Variants in CCDC172 observed in about 807,000 individuals in gnomAD.
CCDC172 encodes coiled-coil domain containing 172.
CCDC172 carries 30 observed loss-of-function variants against 38.0 expected under a neutral mutation model. That is an observed-to-expected ratio of 0.79 (90% CI 0.59 to 1.07). The LOEUF is 1.07. Among genes scored for constraint, CCDC172 ranks in the 50% least tolerant of loss-of-function variants. The pLI, the probability that CCDC172 is intolerant of heterozygous loss-of-function variation, is 0.00. For missense variants in CCDC172, 297 were observed against 290.1 expected, an observed-to-expected ratio of 1.02 and a Z score of -0.17; for synonymous variants, 78 against 88.3, an observed-to-expected ratio of 0.88 and a Z score of 0.66.
At chr10:116,329,240 G>T (rs1290614534) in intron 3 of CCDC172, among the ~76,000 whole-genome samples, 1 of 152,092 alleles carries the variant, frequency 6.6e-6, no homozygotes, top group Non-Finnish European at 1.5e-5. Flanking sequence ...AGGCAAAAAA[G>T]GTCACTGAGT....
At chr10:116,358,410 T>G (rs1233294017) in intron 7 of CCDC172, among the ~76,000 whole-genome samples, 2 of 152,162 alleles carry the variant, frequency 1.3e-5, no homozygotes, top group East Asian at 3.9e-4. Flanking sequence ...ATTTGGATAA[T>G]GAATGTATGA....
chr10:116,357,537 A>ATAAAGAACCACTAATT, intron 6 of CCDC172, 56 bp downstream of exon 6: 1 of 1,294,838 alleles, frequency 7.7e-7, no homozygotes. Flanking sequence ...TATATGCATG[A>ATAAAGAACCACTAATT]TAAGGGCATA....
rs748942710 is a variant in CCDC172 at position 116,340,756 on chromosome 10, CCTT to C, written c.195_197del (p.Phe65del). Reference sequence around the variant, plus strand: ...AAGGTTCAACAGTTTTTTGAAAAATCCTTCTTCTTACAGCTTTTGAAAGCTCAT... The same window carrying C: ...AAGGTTCAACAGTTTTTTGAAAAATCCTTCTTACAGCTTTTGAAAGCTCAT... On this transcript the variant is annotated inframe_deletion, in exon 4 of 9. Coordinates refer to ENST00000333254, the MANE Select transcript of CCDC172 (RefSeq NM_198515.3). The C allele has an allele frequency of 6.1e-5, 97 of 1,588,102 alleles. No homozygotes were observed. The highest frequency in any genetic ancestry group is 7.8e-5 in the Non-Finnish European group (91 of 1,165,212).
At position 116,343,588 on chromosome 10, in the gene CCDC172, A is replaced by G. The variant is rs575506468; in HGVS notation, c.448+1387A>G. 2.7e-5 allele frequency among the ~76,000 whole-genome samples: 4 copies of G among 149,088 alleles called. 1 individual carries two copies. In the East Asian group the frequency reaches 6.0e-4, roughly 22 times the overall value. ...TTGCAATTGTCCTGTGCCTGCTTCC[A>G]TTCTGTAAAAGTTGCGTATCATTCC... On this transcript the variant is annotated intron_variant, in intron 5 of 8. Coordinates refer to ENST00000333254, the MANE Select transcript of CCDC172 (RefSeq NM_198515.3).
chr10:116,330,659 T>G (rs1844651009), intron 3 of CCDC172, among the ~76,000 whole-genome samples: 1 of 152,196 alleles, frequency 6.6e-6, no homozygotes, highest in African/African-American at 2.4e-5. Flanking sequence ...ATTCTCCAAC[T>G]GAAAAACGTA....
chr10:116,341,936 T>C, intron 4 of CCDC172, 100 bp from the exon 5 acceptor site: 1 of 851,808 alleles, frequency 1.2e-6, no homozygotes, highest in Non-Finnish European at 1.6e-6. Context: ...AACTATATAC[T>C]TTCATTGTTA....
intron 7 of CCDC172, among the ~76,000 whole-genome samples, chr10:116,368,276 C>T (rs1300798129): frequency 1.3e-5 from 2 of 152,098 alleles, no homozygotes; most frequent in Non-Finnish European, 2.9e-5. Flanking sequence ...CTTCTCTCAA[C>T]CATTTATTGT....
intron 7 of CCDC172, 67 bp from the exon 8 acceptor site, chr10:116,378,356 C>G: frequency 7.0e-7 from 1 of 1,431,766 alleles, no homozygotes; most frequent in Non-Finnish European, 9.3e-7. Flanking sequence ...AAACTTGTCC[C>G]TCTCTGTGCA....
intron 7 of CCDC172, among the ~76,000 whole-genome samples, chr10:116,377,347 A>C (rs946328991): frequency 3.3e-5 from 5 of 152,172 alleles, no homozygotes; most frequent in African/African-American, 7.2e-5. Flanking sequence ...TTTTCAAGAT[A>C]GATTACATGG....
At chr10:116,358,141 G>A (rs1565720426) in intron 7 of CCDC172, among the ~76,000 whole-genome samples, 1 of 152,044 alleles carries the variant, frequency 6.6e-6, no homozygotes, top group African/African-American at 2.4e-5. Flanking sequence ...GATGCGTTGG[G>A]TTGATGACTG....
chr10:116,362,333 G>A (rs1845074881), intron 7 of CCDC172, among the ~76,000 whole-genome samples: 1 of 152,160 alleles, frequency 6.6e-6, no homozygotes, highest in Admixed American at 6.5e-5. Flanking sequence ...TCAAAATGTA[G>A]ATGTTTTCAT....
intron 3 of CCDC172, among the ~76,000 whole-genome samples, chr10:116,335,651 T>A (rs979882982): frequency 2.0e-5 from 3 of 152,116 alleles, no homozygotes; most frequent in Non-Finnish European, 4.4e-5. Flanking sequence ...TCAGATTTTC[T>A]TGTATGTTCC....
chr10:116,347,325 G>A (rs576797651), intron 5 of CCDC172, among the ~76,000 whole-genome samples: 5 of 152,174 alleles, frequency 3.3e-5, no homozygotes, highest in Non-Finnish European at 2.9e-5. Context: ...CATGTTGATT[G>A]CTGCTGAGCT....
At position 116,363,339 on chromosome 10, in the gene CCDC172, T is replaced by C. The variant is rs773854231; in HGVS notation, c.653+5401T>C. Among the ~76,000 whole-genome samples, 85 of 152,284 alleles carry C rather than the reference T, an allele frequency of 5.6e-4. 1 individual carries two copies. The highest frequency in any genetic ancestry group is 9.7e-4 in the Non-Finnish European group (66 of 68,024). ...TGTGAAAGCTCTTACCTATCTGCTC[T>C]TGGCCTGGACTGAAGGAAAGCAGAA... is the stretch of plus-strand genomic sequence containing the variant. On this transcript the variant is annotated intron_variant, in intron 7 of 8. Transcript: ENST00000333254.
intron 7 of CCDC172, among the ~76,000 whole-genome samples, chr10:116,378,129 C>T (rs1361051156): frequency 6.6e-6 from 1 of 151,612 alleles, no homozygotes; most frequent in Non-Finnish European, 1.5e-5. Context: ...TGCAGTGAGC[C>T]GAGATCACAC....
chr10:116,378,558 A>C, intron 8 of CCDC172, 48 bp downstream of exon 8: 1 of 1,453,288 alleles, frequency 6.9e-7, no homozygotes, highest in East Asian at 2.3e-5. Flanking sequence ...TATTTTACCT[A>C]CTGGTAAGGA....
At chr10:116,366,154 A>C (rs2134962360) in intron 7 of CCDC172, among the ~76,000 whole-genome samples, 1 of 152,266 alleles carries the variant, frequency 6.6e-6, no homozygotes. Flanking sequence ...AAAGTATACT[A>C]ATATAATGAG....
chr10:116,349,097 G>A (rs188825894), intron 5 of CCDC172, among the ~76,000 whole-genome samples: 2 of 152,224 alleles, frequency 1.3e-5, no homozygotes, highest in East Asian at 1.9e-4. Flanking sequence ...TGTGAGGGAT[G>A]TAGATTGCAT....
intron 3 of CCDC172, among the ~76,000 whole-genome samples, chr10:116,334,533 CT>C (rs1343072535): frequency 6.6e-6 from 1 of 151,916 alleles, no homozygotes; most frequent in Non-Finnish European, 1.5e-5. Flanking sequence ...ACCTAGACAT[CT>C]GAGTAAATAT....
Sources: gnomAD v4.1 joint callset for allele counts (sites outside exome capture counted in the v4.1 genomes callset) on GRCh38, gnomAD v4.1.1 for gene constraint, MANE v1.5 for transcripts, NCBI Gene and HGNC (gene_info 2026-07-23, HGNC 2026-07-21) for gene names.